C10orf90: variants seen among roughly 807,000 people sequenced by gnomAD.
C10orf90 encodes the protein chromosome 10 open reading frame 90.
C10orf90 carries 56 observed loss-of-function variants against 62.5 expected under a neutral mutation model. The ratio of observed to expected loss-of-function variants is 0.90; its 90% CI spans 0.72 to 1.12. The LOEUF is 1.12. Ranked by LOEUF, C10orf90 falls within the 50% of genes most tolerant of loss-of-function variation. The pLI is 0.00. For missense variants in C10orf90, 970 were observed against 880.4 expected (o/e 1.10, Z -1.29); for synonymous variants, 386 against 340.4 (o/e 1.13, Z -1.47).
intron 2 of C10orf90, among the ~76,000 whole-genome samples, chr10:126,554,589 A>G (rs950132922): frequency 2.6e-5 from 4 of 152,222 alleles, no homozygotes; most frequent in African/African-American, 9.6e-5. Context: ...AGTGCATAGC[A>G]ATCACTCAAA....
chr10:126,565,115 T>TTA (rs1844316892), intron 2 of C10orf90, among the ~76,000 whole-genome samples: 2 of 36,934 alleles, frequency 5.4e-5, no homozygotes, highest in African/African-American at 1.3e-4. Flanking sequence ...AAAATATATA[T>TTA]TATATAATAT....
At chr10:126,560,601 G>A (rs1404548001) in intron 2 of C10orf90, among the ~76,000 whole-genome samples, 6 of 152,166 alleles carry the variant, frequency 3.9e-5, no homozygotes, top group South Asian at 2.1e-4. Flanking sequence ...GCCCCAGCAC[G>A]GTGCTTCTTT....
intron 2 of C10orf90, among the ~76,000 whole-genome samples, chr10:126,580,276 T>C (rs148759034): frequency 2.4e-3 from 359 of 152,300 alleles, no homozygotes; most frequent in African/African-American, 8.1e-3. Context: ...TCTTCTTGGA[T>C]CTTAGGAGAT....
At chr10:126,650,038 G>A (rs916375804) in intron 1 of C10orf90, among the ~76,000 whole-genome samples, 10 of 152,256 alleles carry the variant, frequency 6.6e-5, no homozygotes, top group South Asian at 2.1e-4. Flanking sequence ...CAGAGTTCCC[G>A]ATCAAGGTCA....
At chr10:126,502,092 CCACACACACACCACA>C (rs762160366) in intron 4 of C10orf90, among the ~76,000 whole-genome samples, 6,566 of 137,524 alleles carry the variant, frequency 0.048, 193 homozygotes, top group African/African-American at 0.1. Context: ...CACCACACAA[CCACACACACACCACA>C]CACACACACA....
chr10:126,526,469 C>T (rs1437757303), intron 2 of C10orf90, among the ~76,000 whole-genome samples: 1 of 152,124 alleles, frequency 6.6e-6, no homozygotes, highest in Non-Finnish European at 1.5e-5. Flanking sequence ...TGGTCTCGAT[C>T]TCCTGACCTC....
chr10:126,543,064 A>C (rs569279558), intron 2 of C10orf90, among the ~76,000 whole-genome samples: 1 of 152,356 alleles, frequency 6.6e-6, no homozygotes, highest in African/African-American at 2.4e-5. Flanking sequence ...TTTCCCTTGA[A>C]AATTCCTTAA....
At chr10:126,591,708 A>T (rs917547077) in intron 2 of C10orf90, among the ~76,000 whole-genome samples, 11 of 152,168 alleles carry the variant, frequency 7.2e-5, no homozygotes, top group African/African-American at 2.2e-4. Flanking sequence ...GAAATCAGGC[A>T]AGAGAAAAAA....
rs200088376 is a variant in C10orf90 at position 126,429,826 on chromosome 10, C to T, written c.2213G>A (p.Arg738Gln). ...LSDNLFKPKE[R>Q]CISEKEMHMR... ...ATGCATCTCCTTCTCTGAAATGCAC[C>T]GTTCTTTGGGTTTGAACAAGTTATC... The change falls in exon 8 of 10, where the codon CGG (arginine) becomes CAG (glutamine). Residue 738 changes from arginine to glutamine, a missense_variant. Physicochemically the swap from Arg to Gln is conservative, Grantham distance 43. Transcript: ENST00000488181. The T allele has an allele frequency of 2.0e-5, 33 of 1,614,018 alleles. No individual in the cohort carries two copies. The Middle Eastern group carries it at 9.9e-4, about 48-fold the overall frequency.
intron 7 of C10orf90, among the ~76,000 whole-genome samples, chr10:126,454,716 T>G (rs1590931930): frequency 6.6e-6 from 1 of 152,248 alleles, no homozygotes; most frequent in Admixed American, 6.5e-5. Flanking sequence ...CCTATCCTGC[T>G]CTGGATTCAT....
At chr10:126,428,245 T>G (rs1440765892) in intron 8 of C10orf90, among the ~76,000 whole-genome samples, 1 of 152,026 alleles carries the variant, frequency 6.6e-6, no homozygotes, top group Non-Finnish European at 1.5e-5. Context: ...GACAGGATAC[T>G]CAGGAGATAT....
chr10:126,469,418 T>C (rs1273999941), intron 4 of C10orf90, among the ~76,000 whole-genome samples: 1 of 152,194 alleles, frequency 6.6e-6, no homozygotes, highest in Non-Finnish European at 1.5e-5. Context: ...AAGACCTCTC[T>C]GAACAAAGCA....
chr10:126,432,676 C>T (rs1012631475), intron 7 of C10orf90, among the ~76,000 whole-genome samples: 1 of 152,156 alleles, frequency 6.6e-6, no homozygotes, highest in Non-Finnish European at 1.5e-5. Flanking sequence ...AGTGGGTCAT[C>T]GTGGCTGTGC....
chr10:126,556,599 G>T (rs6597780), intron 2 of C10orf90, among the ~76,000 whole-genome samples: 68,026 of 151,974 alleles, frequency 0.45, 15,334 homozygotes, highest in Middle Eastern at 0.5. Flanking sequence ...CCAGCAGAGT[G>T]CAATACACCG....
chr10:126,575,880 T>A (rs1334979776), intron 2 of C10orf90, among the ~76,000 whole-genome samples: 1 of 152,132 alleles, frequency 6.6e-6, no homozygotes, highest in Non-Finnish European at 1.5e-5. Flanking sequence ...GGCAGAAGAA[T>A]GAAACTACGT....
At chr10:126,499,529 C>T (rs1259917307) in intron 4 of C10orf90, among the ~76,000 whole-genome samples, 1 of 152,156 alleles carries the variant, frequency 6.6e-6, no homozygotes, top group African/African-American at 2.4e-5. Flanking sequence ...GTAGGCTTGG[C>T]TTGTGTGTAC....
rs144503962 is a variant in C10orf90 at position 126,636,285 on chromosome 10, C to T, written c.313+10280G>A. 4.0e-3 allele frequency among the ~76,000 whole-genome samples: 615 copies of T among 152,236 alleles called. 4 individuals carry two copies. Among genetic ancestry groups the T allele is most frequent in the African/African-American group, 0.014 (562 of 41,540 alleles). On this transcript the variant is annotated intron_variant, in intron 2 of 9. Coordinates refer to ENST00000488181, the MANE Select transcript of C10orf90 (RefSeq NM_001350921.2). Reference sequence around the variant, plus strand: ...TGTTACAAGCTGTGTCTCAGCCAGGCGTGGGCCTTCCTGCCTACCGCATTT... The same window carrying T: ...TGTTACAAGCTGTGTCTCAGCCAGGTGTGGGCCTTCCTGCCTACCGCATTT...
At chr10:126,506,618 C>A (rs1249600672) in intron 3 of C10orf90, among the ~76,000 whole-genome samples, 7 of 152,174 alleles carry the variant, frequency 4.6e-5, no homozygotes, top group Non-Finnish European at 1.0e-4. Context: ...GTGGGTGGCA[C>A]CCAGGCATCT....
At chr10:126,582,914 G>A (rs1028210039) in intron 2 of C10orf90, among the ~76,000 whole-genome samples, 2 of 152,202 alleles carry the variant, frequency 1.3e-5, no homozygotes, top group African/African-American at 4.8e-5. Flanking sequence ...CCAAGACACT[G>A]TTCCTGCAAA....
Sources: allele counts gnomAD v4.1 joint callset (sites outside exome capture counted in the v4.1 genomes callset), GRCh38; gene constraint gnomAD v4.1.1; transcripts MANE v1.5; gene names NCBI Gene and HGNC (gene_info 2026-07-23, HGNC 2026-07-21).